The following CHGA variants were observed in gnomAD, a reference collection of about 807,000 sequenced individuals.
CHGA encodes chromogranin-A.
A neutral mutation model predicts 54.4 loss-of-function variants in CHGA; 41 were observed. The ratio of observed to expected loss-of-function variants is 0.75; its 90% CI spans 0.59 to 0.98. The LOEUF (loss-of-function observed/expected upper bound fraction) is 0.98, where lower values mean the gene tolerates loss of function less well. CHGA is among the 50% of genes least tolerant of loss of function. The pLI is 0.00. For missense variants in CHGA, 576 were observed against 582.3 expected, an observed-to-expected ratio of 0.99 and a Z score of 0.11; for synonymous variants, 249 against 232.8, an observed-to-expected ratio of 1.07 and a Z score of -0.63.
In CHGA at chr14:92,932,200, A is replaced by T. The variant is rs1283062006; in HGVS notation, c.809-170A>T. 3 of 896,206 alleles carry T rather than the reference A, an allele frequency of 3.3e-6. No individual in the cohort carries two copies. Among genetic ancestry groups the T allele is most frequent in the Non-Finnish European group, 4.9e-6 (3 of 616,572 alleles). The allele number at this position is 896,206 out of a possible 1,614,324, so 55.5% of individuals were successfully genotyped here. ...AGGCTCCAGCTAACCCACCCCTCTG[A>T]GCCGAGAGGGTCTTGCAAAGCCTGG... On this transcript the variant is annotated intron_variant, in intron 6 of 7. Transcript: ENST00000216492. This position sits in a 1 kb window ranked among gnomAD's most constrained non-coding sequence, Gnocchi z 5.3.
chr14:92,935,021 C>T lies in CHGA; in HGVS notation c.*137C>T, dbSNP rs1356870489. The stretch of plus-strand genomic sequence containing the variant: ...TCCAGCCTGCCCAAGCCCAGGCCAC[C>T]CTATCGCCCCCTACGCGCCTTGTCT... On this transcript the variant is annotated 3_prime_UTR_variant, in exon 8 of 8. Coordinates refer to ENST00000216492, the MANE Select transcript of CHGA (RefSeq NM_001275.4). The T allele has an allele frequency of 3.1e-6, 2 of 652,058 alleles. No individual in the cohort carries two copies. The highest frequency in any genetic ancestry group is 3.1e-5 in the East Asian group (1 of 32,000). 40.4% of individuals were successfully genotyped at this position (652,058 alleles called of 1,614,324 possible).
chr14:92,929,930 T>TC, intron 5 of CHGA, 115 bp downstream of exon 5: 1 of 762,610 alleles, frequency 1.3e-6, no homozygotes, highest in East Asian at 2.7e-5. Flanking sequence ...ATCCCTTATT[T>TC]CCCTCTCTCT....
intron 4 of CHGA, among the ~76,000 whole-genome samples, chr14:92,927,944 G>T (rs1434432675): frequency 2.6e-5 from 4 of 152,204 alleles, no homozygotes; most frequent in Admixed American, 1.3e-4. Flanking sequence ...CGTCACTGAT[G>T]ATATTCAAGC....
At position 92,932,595 on chromosome 14, in the gene CHGA, T is replaced by C. The variant is rs767197817; in HGVS notation, c.1034T>C (p.Met345Thr). The C allele has an allele frequency of 1.3e-6, 2 of 1,573,002 alleles. No individual in the cohort carries two copies. Among genetic ancestry groups the C allele is most frequent in the East Asian group, 4.6e-5 (2 of 43,342 alleles). ...EWEDSKRWSK[M>T]DQLAKELTAE... ...GAGGACTCCAAACGCTGGAGCAAGA[T>C]GGACCAGCTGGCCAAGGAGCTGACG... Residue 345 changes from methionine to threonine, a missense_variant, in exon 7 of 8, where the codon ATG becomes ACG. By Grantham distance (81) the Met-to-Thr change is moderately conservative. Transcript: ENST00000216492. The surrounding 1 kb of genome is among the most constrained non-coding windows in gnomAD (Gnocchi z 5.3).
rs560652157 is a variant in CHGA, at chr14:92,925,169, G to A, written c.93+924G>A. ...CCGCCTTTTTCTCCTTTTCCTTGAG[G>A]GGAGGTGTAAAGAGTAGGAATCATG... On this transcript the variant is annotated intron_variant, in intron 2 of 7. Transcript: ENST00000216492. 2.6e-5 allele frequency among the ~76,000 whole-genome samples: 4 copies of A among 152,274 alleles called. No homozygotes were observed. The South Asian group carries it at 8.3e-4, about 32-fold the overall frequency.
chr14:92,930,860 A>C (rs994734320), intron 5 of CHGA, among the ~76,000 whole-genome samples: 9 of 152,224 alleles, frequency 5.9e-5, no homozygotes, highest in African/African-American at 2.2e-4. Context: ...AGGATGCTGA[A>C]GACAGAGAAG....
In CHGA at chr14:92,929,805, C is replaced by A. The variant is rs1348126788; in HGVS notation, c.345C>A (p.Ala115=). Reference sequence around the variant, plus strand: ...TTCTTGAGAACCAGAGCAGCCAGGCCGAGCTGAAAGGTCTGTCCCAGCCGG... The same window carrying A: ...TTCTTGAGAACCAGAGCAGCCAGGCAGAGCTGAAAGGTCTGTCCCAGCCGG... ...SEVLENQSSQ[A]ELKEAVEEPS... is the part of the protein sequence containing the mutation. The change falls in exon 5 of 8, where the codon GCC becomes GCA. Residue 115 remains alanine (A), a synonymous_variant. Coordinates refer to ENST00000216492, the MANE Select transcript of CHGA (RefSeq NM_001275.4). 37 of 1,611,428 alleles carry A rather than the reference C, an allele frequency of 2.3e-5. No individual in the cohort carries two copies. Among genetic ancestry groups the A allele is most frequent in the Non-Finnish European group, 2.9e-5 (34 of 1,179,912 alleles).
chr14:92,932,621 G>T lies in CHGA; in HGVS notation c.1060G>T (p.Ala354Ser). The change falls in exon 7 of 8, where the codon GCT becomes TCT. Residue 354 changes from alanine (A) to serine (S), a missense_variant. Physicochemically the swap from Ala to Ser is moderately conservative, Grantham distance 99 (BLOSUM62 1). Transcript: ENST00000216492. This position sits in a 1 kb window ranked among gnomAD's most constrained non-coding sequence, Gnocchi z 5.3. ...GGACCAGCTGGCCAAGGAGCTGACG[G>T]CTGAGAAGCGGCTGGAGGGGCAGGA... Reference protein sequence around the residue: ...KMDQLAKELTAEKRLEGQEEE... With the variant: ...KMDQLAKELTSEKRLEGQEEE... 6.3e-7 allele frequency: 1 copy of T among 1,589,772 alleles called. No homozygotes were observed. Among genetic ancestry groups the T allele is most frequent in the Non-Finnish European group, 8.6e-7 (1 of 1,169,344 alleles).
chr14:92,932,128 C>A lies in CHGA; in HGVS notation c.809-242C>A. 2.0e-6 allele frequency: 1 copy of A among 508,072 alleles called. No individual in the cohort carries two copies. The highest frequency in any genetic ancestry group is 3.4e-6 in the Non-Finnish European group (1 of 290,304). The allele number at this position is 508,072 out of a possible 1,614,324, so 31.5% of individuals were successfully genotyped here. ...CTGCGGGCCTGTCAGGGTCTTTCCT[C>A]ACTCTCCAGCTGCCGGGCTTCTGGG... On this transcript the variant is annotated intron_variant, in intron 6 of 7. Coordinates refer to ENST00000216492, the MANE Select transcript of CHGA (RefSeq NM_001275.4). The surrounding 1 kb of genome is among the most constrained non-coding windows in gnomAD (Gnocchi z 5.3).
intron 5 of CHGA, among the ~76,000 whole-genome samples, chr14:92,930,916 C>A (rs2139672485): frequency 6.6e-6 from 1 of 152,366 alleles, no homozygotes; most frequent in African/African-American, 2.4e-5. Flanking sequence ...GTGCCTCTTA[C>A]ACAGAGAGGT....
chr14:92,932,297 C>G lies in CHGA; in HGVS notation c.809-73C>G. On this transcript the variant is annotated intron_variant, in intron 6 of 7. Coordinates refer to ENST00000216492, the MANE Select transcript of CHGA (RefSeq NM_001275.4). The surrounding 1 kb of genome is among the most constrained non-coding windows in gnomAD (Gnocchi z 5.3). ...GGGCTGTGGCCGCAGCAGAGGCCCC[C>G]AGGGAGTGGCAGAGACTGGGAAAAT... is the stretch of plus-strand genomic sequence containing the variant. 6.7e-7 allele frequency: 1 copy of G among 1,485,680 alleles called. No homozygotes were observed. Among genetic ancestry groups the G allele is most frequent in the Non-Finnish European group, 9.0e-7 (1 of 1,115,200 alleles). The allele number at this position is 1,485,680 out of a possible 1,614,324, so 92.0% of individuals were successfully genotyped here.
Position 92,932,540 on chromosome 14 carries a change from CAGG to C in CHGA, c.988_990del (p.Glu330del), listed in dbSNP as rs763325622. On this transcript the variant is annotated inframe_deletion, in exon 7 of 8. Coordinates refer to ENST00000216492, the MANE Select transcript of CHGA (RefSeq NM_001275.4). This position sits in a 1 kb window ranked among gnomAD's most constrained non-coding sequence, Gnocchi z 5.3. ...GGGTGGGAAGAGCGGAGAGCTGGAGCAGGAGGAGGAGCGGCTCTCCAAGGAGTG... is the reference window on the plus strand; with the variant it reads ...GGGTGGGAAGAGCGGAGAGCTGGAGCAGGAGGAGCGGCTCTCCAAGGAGTG... 48 of 1,554,196 alleles carry C rather than the reference CAGG, an allele frequency of 3.1e-5. No individual in the cohort carries two copies. In the Middle Eastern group the frequency reaches 1.6e-3, roughly 51 times the overall value.
chr14:92,927,608 C>T lies in CHGA; in HGVS notation c.246C>T (p.Leu82=), dbSNP rs779598314. Residue 82 remains leucine, a synonymous_variant, in exon 4 of 8, where the codon CTC becomes CTT. Coordinates refer to ENST00000216492, the MANE Select transcript of CHGA (RefSeq NM_001275.4). Reference sequence around the variant, plus strand: ...ATTTACTGAAGGAGCTCCAAGACCTCGCTCTCCAAGGTATTTTCCAGCCAC... The same window carrying T: ...ATTTACTGAAGGAGCTCCAAGACCTTGCTCTCCAAGGTATTTTCCAGCCAC... ...HQNLLKELQD[L]ALQGAKERAH... is the part of the protein sequence containing the mutation. 2.7e-5 allele frequency: 43 copies of T among 1,613,174 alleles called. No individual in the cohort carries two copies. The highest frequency in any genetic ancestry group is 3.1e-5 in the Non-Finnish European group (36 of 1,179,650).
At chr14:92,924,155 C>G (rs771230331) in intron 1 of CHGA, 44 bp from the exon 2 acceptor site, 190 of 1,601,844 alleles carry the variant, frequency 1.2e-4, no homozygotes, top group Non-Finnish European at 1.6e-4. Context: ...CTGGCCTCCA[C>G]TTGGAGCAGA....
chr14:92,931,117 C>A (rs540682060), intron 5 of CHGA, 133 bp from the exon 6 acceptor site: 2 of 824,340 alleles, frequency 2.4e-6, no homozygotes, highest in Admixed American at 5.7e-5. Context: ...AGAGGGGTAA[C>A]CCTAATCGTT....
intron 4 of CHGA, among the ~76,000 whole-genome samples, chr14:92,929,368 C>A (rs1437642781): frequency 7.0e-6 from 1 of 143,562 alleles, no homozygotes; most frequent in Non-Finnish European, 1.5e-5. Context: ...CCACCCCCAA[C>A]TCCTGCCCAG....
rs564940808 is a variant in CHGA, at chr14:92,926,679, T to C, written c.168T>C (p.Cys56=). The stretch of plus-strand genomic sequence containing the variant: ...GCCCCATGCCTGTCAGCCAGGAATG[T>C]TTTGAGACACTCCGAGGAGGTATGA... The part of the protein sequence containing the change: ...KPSPMPVSQE[C]FETLRGDERI... The change falls in exon 3 of 8, where the codon TGT becomes TGC. Residue 56 remains cysteine, a synonymous_variant. Coordinates refer to ENST00000216492, the MANE Select transcript of CHGA (RefSeq NM_001275.4). 6.2e-7 allele frequency: 1 copy of C among 1,613,856 alleles called. No homozygotes were observed. The highest frequency in any genetic ancestry group is 2.2e-5 in the East Asian group (1 of 44,870).
chr14:92,933,160 G>A (rs1284419819), intron 7 of CHGA: 7 of 276,830 alleles, frequency 2.5e-5, no homozygotes, highest in Admixed American at 4.7e-5. Flanking sequence ...GGGTCTGACC[G>A]TGTCCCCTCC....
chr14:92,931,477 C>G lies in CHGA; in HGVS notation c.583C>G (p.Pro195Ala). The change falls in exon 6 of 8, where the codon CCA becomes GCA. Residue 195 changes from proline to alanine, a missense_variant. Transcript: ENST00000216492. ...PPASLPSQKYPGPQAEGDSEG... is the reference protein window; with the variant it reads ...PPASLPSQKYAGPQAEGDSEG... ...AGCCAGCCTCCCCAGCCAGAAATAC[C>G]CAGGCCCACAGGCCGAGGGGGACAG... 1 of 1,611,550 alleles carries G rather than the reference C, an allele frequency of 6.2e-7. No homozygotes were observed. Among genetic ancestry groups the G allele is most frequent in the Non-Finnish European group, 8.5e-7 (1 of 1,179,292 alleles).
Sources: allele counts gnomAD v4.1 joint callset (sites outside exome capture counted in the v4.1 genomes callset), GRCh38; gene constraint gnomAD v4.1.1; non-coding constraint Gnocchi (gnomAD v3.1); transcripts MANE v1.5; gene names NCBI Gene and HGNC (gene_info 2026-07-23, HGNC 2026-07-21).